CSMD1: variants seen among roughly 807,000 people sequenced by gnomAD.
CSMD1 encodes the protein CUB and Sushi multiple domains 1.
In CSMD1, 213 loss-of-function variants were observed where a neutral mutation model predicts 417.5. The ratio of observed to expected loss-of-function variants is 0.51; its 90% CI spans 0.46 to 0.57. The LOEUF (loss-of-function observed/expected upper bound fraction) is 0.57. CSMD1 is among the 20% of genes least tolerant of loss of function. The pLI is 0.00. For missense variants in CSMD1, 6,923 were observed against 4,529.7 expected (o/e 1.53, Z -15.17); for synonymous variants, 2,862 against 1,736.8 (o/e 1.65, Z -16.11).
At chr8:4,960,668 C>T (rs572558397) in intron 1 of CSMD1, among the ~76,000 whole-genome samples, 7 of 152,212 alleles carry the variant, frequency 4.6e-5, no homozygotes, top group South Asian at 4.2e-4. Context: ...TCCATTCATA[C>T]GTACATACAT....
At position 2,937,175 on chromosome 8, in the gene CSMD1, A is replaced by G. The variant is rs1005009411; in HGVS notation, c.*1410T>C. 6.6e-6 allele frequency: 1 copy of G among 152,284 alleles called. No individual in the cohort carries two copies. The highest frequency in any genetic ancestry group is 2.1e-4 in the South Asian group (1 of 4,830). 9.4% of individuals were successfully genotyped at this position (152,284 alleles called of 1,614,324 possible). On this transcript the variant is annotated 3_prime_UTR_variant, in exon 70 of 70. Transcript: ENST00000635120. ...GGATCTTATAGATTTTATTTGCATC[A>G]TAACTTATCATTTACCTATAATGGA...
chr8:3,506,271 C>A (rs540280709), intron 10 of CSMD1, among the ~76,000 whole-genome samples: 7 of 152,288 alleles, frequency 4.6e-5, no homozygotes, highest in African/African-American at 1.4e-4. Context: ...CATCATCTGT[C>A]ACAGACACTA....
intron 2 of CSMD1, among the ~76,000 whole-genome samples, chr8:4,554,052 G>A (rs771618748): frequency 6.6e-6 from 1 of 152,168 alleles, no homozygotes; most frequent in Non-Finnish European, 1.5e-5. Flanking sequence ...TATCCCTGCT[G>A]TCTCGTCAGT....
At chr8:3,182,675 CTGTGTGTG>C (rs10676783) in intron 36 of CSMD1, among the ~76,000 whole-genome samples, 1 of 99,082 alleles carries the variant, frequency 1.0e-5, no homozygotes. Flanking sequence ...CTATAAGAAG[CTGTGTGTG>C]TGTGTGTGTG....
chr8:4,744,711 G>T (rs1295004347), intron 1 of CSMD1, among the ~76,000 whole-genome samples: 1 of 152,046 alleles, frequency 6.6e-6, no homozygotes, highest in East Asian at 1.9e-4. Flanking sequence ...CTTTTCTCAG[G>T]TCATGGTTTA....
chr8:3,371,333 G>T (rs1007711347), intron 18 of CSMD1, among the ~76,000 whole-genome samples: 2 of 152,170 alleles, frequency 1.3e-5, no homozygotes, highest in Admixed American at 6.5e-5. Flanking sequence ...GGCCTCACAT[G>T]TAAAATGGGG....
At chr8:3,617,454 C>A (rs1367921275) in intron 7 of CSMD1, among the ~76,000 whole-genome samples, 4 of 152,146 alleles carry the variant, frequency 2.6e-5, no homozygotes, top group African/African-American at 9.7e-5. Context: ...TTTGTCTAAT[C>A]AAACTAACAC....
At chr8:4,182,686 A>G (rs1292965871) in intron 3 of CSMD1, among the ~76,000 whole-genome samples, 1 of 152,168 alleles carries the variant, frequency 6.6e-6, no homozygotes, top group Non-Finnish European at 1.5e-5. Flanking sequence ...TGAATGCCCG[A>G]TTAATTTGAA....
chr8:3,411,280 T>A (rs1047837009), intron 12 of CSMD1, among the ~76,000 whole-genome samples: 9 of 152,202 alleles, frequency 5.9e-5, no homozygotes, highest in African/African-American at 2.2e-4. Flanking sequence ...GAATTCTTCA[T>A]GGGCTTGCAC....
chr8:4,391,930 G>A (rs183666579), intron 3 of CSMD1, among the ~76,000 whole-genome samples: 1 of 152,330 alleles, frequency 6.6e-6, no homozygotes, highest in Admixed American at 6.5e-5. Flanking sequence ...AGGCTCCCAT[G>A]AAGAATACTG....
intron 3 of CSMD1, among the ~76,000 whole-genome samples, chr8:4,094,656 G>A (rs1047336710): frequency 1.3e-5 from 2 of 152,248 alleles, no homozygotes; most frequent in Middle Eastern, 3.4e-3. Context: ...TGGAAGTAGC[G>A]ACCGCACTTC....
chr8:2,969,153 G>A (rs1286191988), intron 57 of CSMD1, among the ~76,000 whole-genome samples: 2 of 152,112 alleles, frequency 1.3e-5, no homozygotes, highest in African/African-American at 4.8e-5. Context: ...ATTCCCGGCT[G>A]TTACCAAATT....
At chr8:4,016,785 G>A (rs929783444) in intron 4 of CSMD1, among the ~76,000 whole-genome samples, 2 of 152,148 alleles carry the variant, frequency 1.3e-5, no homozygotes, top group Non-Finnish European at 2.9e-5. Context: ...GTGTATAGTT[G>A]GGTTTTTTTG....
At chr8:4,295,031 T>A (rs1446565392) in intron 3 of CSMD1, among the ~76,000 whole-genome samples, 1 of 148,496 alleles carries the variant, frequency 6.7e-6, no homozygotes, top group Non-Finnish European at 1.5e-5. Context: ...TATATACATA[T>A]AATATATGTA....
intron 3 of CSMD1, among the ~76,000 whole-genome samples, chr8:4,097,972 A>C (rs1801108991): frequency 6.6e-6 from 1 of 152,220 alleles, no homozygotes; most frequent in Non-Finnish European, 1.5e-5. Context: ...CTTATTTTTT[A>C]GAATCTGTGG....
chr8:4,255,982 C>G (rs1029672166), intron 3 of CSMD1, among the ~76,000 whole-genome samples: 1 of 152,176 alleles, frequency 6.6e-6, no homozygotes, highest in African/African-American at 2.4e-5. Flanking sequence ...GAAAATACGA[C>G]TACGTGCAGG....
At chr8:3,514,557 T>C (rs1472549405) in intron 10 of CSMD1, among the ~76,000 whole-genome samples, 2 of 152,198 alleles carry the variant, frequency 1.3e-5, no homozygotes, top group Non-Finnish European at 2.9e-5. Flanking sequence ...TAATATGTTA[T>C]AGTTGGGGGA....
intron 3 of CSMD1, among the ~76,000 whole-genome samples, chr8:4,137,636 T>C (rs1803516923): frequency 7.6e-6 from 1 of 131,724 alleles, no homozygotes; most frequent in Admixed American, 7.9e-5. Context: ...ATCACATTTT[T>C]ATAAGCAGTT....
At chr8:4,183,382 T>C (rs1798485640) in intron 3 of CSMD1, among the ~76,000 whole-genome samples, 1 of 152,192 alleles carries the variant, frequency 6.6e-6, no homozygotes, top group Non-Finnish European at 1.5e-5. Context: ...CTTCTTTCAA[T>C]AAGGAAGCTG....
Sources: gnomAD v4.1 joint callset for allele counts (sites outside exome capture counted in the v4.1 genomes callset) on GRCh38, gnomAD v4.1.1 for gene constraint, MANE v1.5 for transcripts, NCBI Gene and HGNC (gene_info 2026-07-23, HGNC 2026-07-21) for gene names.